Variants in GRM7 observed in about 807,000 individuals in gnomAD.
GRM7 encodes metabotropic glutamate receptor 7.
In GRM7, 35 loss-of-function variants were observed where a neutral mutation model predicts 84.5. The observed-to-expected ratio is 0.41, with a 90% CI of 0.32 to 0.55. GRM7 has a LOEUF of 0.55. Among genes scored for constraint, GRM7 ranks in the 20% least tolerant of loss-of-function variants. The pLI, the probability that GRM7 is intolerant of heterozygous loss-of-function variation, is 0.19. For synonymous variants in GRM7, 487 were observed against 455.1 expected, an observed-to-expected ratio of 1.07 and a Z score of -0.89; for missense variants, 1,003 against 1,194.6, an observed-to-expected ratio of 0.84 and a Z score of 2.36.
rs147050604 is a variant in GRM7 at position 7,117,655 on chromosome 3, C to T, written c.520-28797C>T. ...ATTCAGTTATCTCAGAGTGCAAAGA[C>T]GGAAGAACACGACAGTTCAGATAAA... On this transcript the variant is annotated intron_variant, in intron 1 of 9. Transcript: ENST00000357716. Among the ~76,000 whole-genome samples, 266 of 152,246 alleles carry T rather than the reference C, an allele frequency of 1.7e-3. 1 individual carries two copies. Among genetic ancestry groups the T allele is most frequent in the Admixed American group, 5.1e-3 (78 of 15,270 alleles).
At position 7,174,903 on chromosome 3, in the gene GRM7, A is replaced by G. The variant is rs79677364; in HGVS notation, c.736+28235A>G. On this transcript the variant is annotated intron_variant, in intron 2 of 9. Coordinates refer to ENST00000357716, the MANE Select transcript of GRM7 (RefSeq NM_000844.4). Reference sequence around the variant, plus strand: ...TGTGACATACTCTAAGCTTTAATTTATTTTTCAGTAAAATGAGAATGACAA... The same window carrying G: ...TGTGACATACTCTAAGCTTTAATTTGTTTTTCAGTAAAATGAGAATGACAA... 8.6e-3 allele frequency among the ~76,000 whole-genome samples: 1,311 copies of G among 152,266 alleles called. 15 individuals carry two copies. Among genetic ancestry groups the G allele is most frequent in the African/African-American group, 0.03 (1,233 of 41,540 alleles).
chr3:7,382,921 A>G (rs1018657251), intron 4 of GRM7, among the ~76,000 whole-genome samples: 8 of 152,228 alleles, frequency 5.3e-5, no homozygotes, highest in African/African-American at 1.9e-4. Context: ...TTTGCTTAAT[A>G]CACTGGAGGC....
At chr3:6,997,056 C>T (rs1032577223) in intron 1 of GRM7, among the ~76,000 whole-genome samples, 1 of 152,018 alleles carries the variant, frequency 6.6e-6, no homozygotes, top group Non-Finnish European at 1.5e-5. Context: ...ATCTTAGAAT[C>T]CTGTATTTAT....
intron 8 of GRM7, among the ~76,000 whole-genome samples, chr3:7,644,958 A>G (rs1698551807): frequency 6.6e-6 from 1 of 152,122 alleles, no homozygotes; most frequent in South Asian, 2.1e-4. Flanking sequence ...TGAGACTCAC[A>G]GACTGCCCTT....
intron 1 of GRM7, among the ~76,000 whole-genome samples, chr3:7,082,870 A>C (rs1046209836): frequency 6.6e-6 from 1 of 152,262 alleles, no homozygotes; most frequent in South Asian, 2.1e-4. Flanking sequence ...TGGAGCCTGA[A>C]GATGTGGCTA....
At chr3:7,349,575 G>A (rs561928619) in intron 4 of GRM7, among the ~76,000 whole-genome samples, 36 of 152,254 alleles carry the variant, frequency 2.4e-4, no homozygotes, top group Admixed American at 1.5e-3. Context: ...TGTCCTAGTC[G>A]TGTAAAATTG....
chr3:7,597,467 A>G (rs896747987), intron 8 of GRM7, among the ~76,000 whole-genome samples: 1 of 152,132 alleles, frequency 6.6e-6, no homozygotes, highest in Non-Finnish European at 1.5e-5. Context: ...AGACCACACA[A>G]AAACCGGCTA....
intron 2 of GRM7, among the ~76,000 whole-genome samples, chr3:7,187,328 A>C (rs1007898650): frequency 6.6e-6 from 1 of 152,222 alleles, no homozygotes; most frequent in African/African-American, 2.4e-5. Context: ...TTCCATGCTC[A>C]GATTTCTATA....
chr3:7,539,043 C>T (rs1000129256), intron 7 of GRM7, among the ~76,000 whole-genome samples: 2 of 152,164 alleles, frequency 1.3e-5, no homozygotes, highest in African/African-American at 4.8e-5. Flanking sequence ...AATTTGGTTC[C>T]TCTTCATGGA....
At chr3:7,175,084 GA>G (rs1695102363) in intron 2 of GRM7, among the ~76,000 whole-genome samples, 1 of 152,164 alleles carries the variant, frequency 6.6e-6, no homozygotes, top group Admixed American at 6.5e-5. Context: ...GATGAATGGA[GA>G]AAAACCAAGA....
chr3:7,545,525 C>A (rs912054716), intron 7 of GRM7, among the ~76,000 whole-genome samples: 2 of 152,182 alleles, frequency 1.3e-5, no homozygotes, highest in African/African-American at 4.8e-5. Flanking sequence ...CAACCTTGCA[C>A]AATGCAGTAG....
intron 2 of GRM7, among the ~76,000 whole-genome samples, chr3:7,171,928 A>G (rs749528923): frequency 6.6e-6 from 1 of 152,208 alleles, no homozygotes; most frequent in Non-Finnish European, 1.5e-5. Context: ...TCAGCAGTGA[A>G]ATGAAAACAG....
chr3:6,891,543 G>C (rs1363713618), intron 1 of GRM7, among the ~76,000 whole-genome samples: 1 of 152,144 alleles, frequency 6.6e-6, no homozygotes, highest in African/African-American at 2.4e-5. Context: ...TTTTCTTTAG[G>C]AATGTTGAAT....
In GRM7 at chr3:7,015,033, G is replaced by C. The variant is rs141037082; in HGVS notation, c.520-131419G>C. On this transcript the variant is annotated intron_variant, in intron 1 of 9. Coordinates refer to ENST00000357716, the MANE Select transcript of GRM7 (RefSeq NM_000844.4). ...CAATCAGCACTCTGTAGAATGGACC[G>C]ATCAGCACTCAGTAAACTGGACCAA... Among the ~76,000 whole-genome samples the C allele has an allele frequency of 1.1e-3, 167 of 152,160 alleles. 2 individuals carry two copies. The highest frequency in any genetic ancestry group is 3.7e-3 in the African/African-American group (155 of 41,500).
chr3:7,089,347 A>C (rs1369236005), intron 1 of GRM7, among the ~76,000 whole-genome samples: 2 of 152,190 alleles, frequency 1.3e-5, no homozygotes, highest in African/African-American at 4.8e-5. Context: ...GTTCCATATA[A>C]TAGAGTTGTT....
intron 5 of GRM7, among the ~76,000 whole-genome samples, chr3:7,449,291 A>G (rs1168379261): frequency 6.6e-6 from 1 of 152,140 alleles, no homozygotes; most frequent in African/African-American, 2.4e-5. Flanking sequence ...TTCAAAACCT[A>G]TGTGAGAAAA....
intron 2 of GRM7, among the ~76,000 whole-genome samples, chr3:7,269,453 C>T (rs1043385713): frequency 3.4e-5 from 5 of 147,284 alleles, no homozygotes; most frequent in Admixed American, 1.4e-4. Context: ...AACCCCCCCC[C>T]CAGAGAGCAT....
intron 1 of GRM7, among the ~76,000 whole-genome samples, chr3:7,018,349 G>A (rs759484528): frequency 1.3e-5 from 2 of 152,230 alleles, no homozygotes; most frequent in African/African-American, 2.4e-5. Flanking sequence ...ACAGAGAAGT[G>A]GGAAGAGATG....
At chr3:6,919,242 T>C (rs1025987143) in intron 1 of GRM7, among the ~76,000 whole-genome samples, 2 of 151,950 alleles carry the variant, frequency 1.3e-5, no homozygotes, top group African/African-American at 4.8e-5. Flanking sequence ...TCTGTCACCC[T>C]GGCTGGAGTG....
Sources: allele counts gnomAD v4.1 joint callset (sites outside exome capture counted in the v4.1 genomes callset), GRCh38; gene constraint gnomAD v4.1.1; transcripts MANE v1.5; gene names NCBI Gene and HGNC (gene_info 2026-07-23, HGNC 2026-07-21).